The following ADCY5 variants were observed in gnomAD, a reference collection of about 807,000 sequenced individuals.
ADCY5 encodes adenylate cyclase type 5.
Under a neutral mutation model 119.7 loss-of-function variants are expected in ADCY5, and 30 were observed. The ratio of observed to expected loss-of-function variants is 0.25; its 90% CI spans 0.19 to 0.34. The LOEUF (loss-of-function observed/expected upper bound fraction) is 0.34, where lower values mean the gene tolerates loss of function less well. Among genes scored for constraint, ADCY5 ranks in the 10% least tolerant of loss-of-function variants. The pLI, the probability that ADCY5 is intolerant of heterozygous loss-of-function variation, is 1.00. For synonymous variants in ADCY5, 753 were observed against 762.2 expected (o/e 0.99, Z 0.20); for missense variants, 1,324 against 1,775.2 (o/e 0.75, Z 4.57).
chr3:123,322,666 C>T (rs1034340925), intron 8 of ADCY5, among the ~76,000 whole-genome samples: 6 of 152,200 alleles, frequency 3.9e-5, no homozygotes, highest in Non-Finnish European at 5.9e-5. Context: ...GGGCCCCACC[C>T]TACCGGCTAT....
chr3:123,433,804 C>T (rs547977690), intron 1 of ADCY5, among the ~76,000 whole-genome samples: 1 of 152,136 alleles, frequency 6.6e-6, no homozygotes, highest in Non-Finnish European at 1.5e-5. Context: ...ACGGGCTGTG[C>T]GGCAGCCTCA....
At chr3:123,412,185 C>T (rs1435769110) in intron 1 of ADCY5, among the ~76,000 whole-genome samples, 1 of 152,200 alleles carries the variant, frequency 6.6e-6, no homozygotes, top group Non-Finnish European at 1.5e-5. Context: ...GGGCACGCTG[C>T]GGCAGGAAAG....
At chr3:123,360,539 C>T (rs1362687691) in intron 1 of ADCY5, among the ~76,000 whole-genome samples, 1 of 152,140 alleles carries the variant, frequency 6.6e-6, no homozygotes, top group Non-Finnish European at 1.5e-5. Context: ...AAGATAAAGT[C>T]CAAACTCCTG....
intron 19 of ADCY5, among the ~76,000 whole-genome samples, chr3:123,287,919 GT>G (rs1012122851): frequency 9.8e-5 from 15 of 152,340 alleles, no homozygotes; most frequent in African/African-American, 3.6e-4. Context: ...CAATCAAGGA[GT>G]TGAGGCTTTT....
intron 1 of ADCY5, among the ~76,000 whole-genome samples, chr3:123,425,248 A>G: frequency 6.6e-6 from 1 of 152,066 alleles, no homozygotes; most frequent in East Asian, 1.9e-4. Flanking sequence ...CATCATTACA[A>G]CGTCACACTC....
chr3:123,387,305 G>A (rs899924816), intron 1 of ADCY5, among the ~76,000 whole-genome samples: 3 of 152,124 alleles, frequency 2.0e-5, no homozygotes, highest in Admixed American at 1.3e-4. Flanking sequence ...GGTGATGTTT[G>A]AGCCCATGTG....
intron 1 of ADCY5, chr3:123,368,060 G>A (rs1943512698): frequency 3.4e-6 from 5 of 1,452,102 alleles, no homozygotes; most frequent in African/African-American, 2.9e-5. Context: ...GGGGAGAGAG[G>A]CAGGAAGATT....
chr3:123,327,892 TCCTAA>T, intron 6 of ADCY5, 133 bp from the exon 7 acceptor site: 1 of 1,081,142 alleles, frequency 9.2e-7, no homozygotes, highest in Non-Finnish European at 1.3e-6. Context: ...TCTGCTCAAA[TCCTAA>T]CCTCAACCTT....
chr3:123,356,505 G>T (rs1943042806), intron 1 of ADCY5, among the ~76,000 whole-genome samples: 1 of 152,072 alleles, frequency 6.6e-6, no homozygotes, highest in African/African-American at 2.4e-5. Context: ...AAAAAGTGGT[G>T]CTAGAACAAT....
In ADCY5 at chr3:123,320,863, TAC is replaced by T. The variant is rs1941185052; in HGVS notation, c.2089-94_2089-93del. 10 of 911,556 alleles carry T rather than the reference TAC, an allele frequency of 1.1e-5. No individual in the cohort carries two copies. The East Asian group carries it at 2.6e-4, about 24-fold the overall frequency. The allele number at this position is 911,556 out of a possible 1,614,324, so 56.5% of individuals were successfully genotyped here. A position where few individuals can be genotyped will look rare whatever the true frequency, so the allele number is the denominator to read the frequency against. ...CGTCTAGATGGCTGCAGCTCATCTC[TAC>T]AGTCTCCCAAAGGACGTGGACATAG... On this transcript the variant is annotated intron_variant, in intron 8 of 20. Transcript: ENST00000462833.
intron 12 of ADCY5, among the ~76,000 whole-genome samples, chr3:123,312,021 A>C (rs113774838): frequency 6.6e-6 from 1 of 152,178 alleles, no homozygotes. Flanking sequence ...GAACTGTGGG[A>C]AAAAAACTCA....
chr3:123,296,418 C>G (rs1939515924), intron 16 of ADCY5, among the ~76,000 whole-genome samples: 1 of 152,202 alleles, frequency 6.6e-6, no homozygotes, highest in African/African-American at 2.4e-5. Context: ...TCAGACCCTG[C>G]TTGCACCTGC....
At chr3:123,427,748 C>T (rs1376749594) in intron 1 of ADCY5, among the ~76,000 whole-genome samples, 1 of 152,160 alleles carries the variant, frequency 6.6e-6, no homozygotes, top group African/African-American at 2.4e-5. Context: ...CTTCATAGGA[C>T]TACTGTGGAG....
chr3:123,306,185 A>G (rs1940186874), intron 12 of ADCY5, among the ~76,000 whole-genome samples: 1 of 152,262 alleles, frequency 6.6e-6, no homozygotes, highest in Non-Finnish European at 1.5e-5. Context: ...ATCCTGCTTA[A>G]TAGACATAAA....
chr3:123,432,476 G>A (rs556676513), intron 1 of ADCY5, among the ~76,000 whole-genome samples: 17 of 152,238 alleles, frequency 1.1e-4, no homozygotes, highest in East Asian at 1.9e-4. Flanking sequence ...GCACAGTGGC[G>A]GATCCTAGAA....
At position 123,308,867 on chromosome 3, in the gene ADCY5, C is replaced by T. The variant is rs142585327; in HGVS notation, c.2443-4684G>A. ...CAAAAAGAAAAAACAAAAAAACTAT[C>T]TGCCAGGGGCAAAGTCTCTTCCCAG... On this transcript the variant is annotated intron_variant, in intron 12 of 20. Transcript: ENST00000462833. 2.6e-3 allele frequency among the ~76,000 whole-genome samples: 397 copies of T among 150,238 alleles called. 2 individuals carry two copies. Among genetic ancestry groups the T allele is most frequent in the African/African-American group, 9.0e-3 (367 of 40,802 alleles).
At chr3:123,284,874 G>T in intron 20 of ADCY5, 138 bp from the exon 21 acceptor site, 2 of 1,179,244 alleles carry the variant, frequency 1.7e-6, no homozygotes, top group Non-Finnish European at 1.2e-6. Flanking sequence ...CCCCACTGAG[G>T]TGCTCTCAGG....
chr3:123,413,317 G>A (rs751753266), intron 1 of ADCY5, among the ~76,000 whole-genome samples: 3 of 152,344 alleles, frequency 2.0e-5, no homozygotes, highest in South Asian at 2.1e-4. Context: ...TCCCGTCCCT[G>A]ACCAGAGAGA....
intron 1 of ADCY5, among the ~76,000 whole-genome samples, chr3:123,388,211 G>A (rs1187043846): frequency 6.6e-6 from 1 of 152,222 alleles, no homozygotes; most frequent in Non-Finnish European, 1.5e-5. Context: ...CAATGGTCCA[G>A]ATGAGAGATG....
Sources: gnomAD v4.1 joint callset for allele counts (sites outside exome capture counted in the v4.1 genomes callset) on GRCh38, gnomAD v4.1.1 for gene constraint, MANE v1.5 for transcripts, NCBI Gene and HGNC (gene_info 2026-07-23, HGNC 2026-07-21) for gene names.